PARN: variants seen among roughly 807,000 people sequenced by gnomAD.
PARN encodes poly(A)-specific ribonuclease.
PARN carries 71 observed loss-of-function variants against 102.8 expected under a neutral mutation model. The observed-to-expected ratio is 0.69, with a 90% confidence interval of 0.57 to 0.84. The LOEUF (loss-of-function observed/expected upper bound fraction) is 0.84, where lower values mean the gene tolerates loss of function less well. Among genes scored for constraint, PARN ranks in the 40% least tolerant of loss-of-function variants. The pLI is 0.00. For missense variants in PARN, 782 were observed against 760.9 expected (o/e 1.03, Z -0.33); for synonymous variants, 261 against 252.9 (o/e 1.03, Z -0.30).
At chr16:14,530,271 C>A (rs1051603803) in intron 21 of PARN, among the ~76,000 whole-genome samples, 2 of 152,170 alleles carry the variant, frequency 1.3e-5, no homozygotes, top group African/African-American at 2.4e-5. Flanking sequence ...GAATCCCAAG[C>A]CCCAGGCTAC....
intron 21 of PARN, among the ~76,000 whole-genome samples, chr16:14,493,081 TA>T (rs372988368): frequency 4.4e-4 from 67 of 150,742 alleles, no homozygotes; most frequent in Admixed American, 2.0e-3. Flanking sequence ...CAAACAACAA[TA>T]AAAAAAAAGA....
At chr16:14,512,574 T>TGAG (rs1053920528) in intron 21 of PARN, among the ~76,000 whole-genome samples, 154 of 152,294 alleles carry the variant, frequency 1.0e-3, no homozygotes, top group African/African-American at 3.4e-3. Context: ...GGTGTGTCTA[T>TGAG]GAGGAGGAGG....
intron 18 of PARN, among the ~76,000 whole-genome samples, chr16:14,576,503 G>A (rs1023507188): frequency 4.6e-5 from 7 of 152,180 alleles, no homozygotes; most frequent in Admixed American, 3.3e-4. Flanking sequence ...TAAGGCAAAC[G>A]TCTGATTTTG....
intron 22 of PARN, among the ~76,000 whole-genome samples, chr16:14,449,296 G>A (rs1339343841): frequency 2.0e-5 from 3 of 152,058 alleles, no homozygotes; most frequent in Non-Finnish European, 4.4e-5. Context: ...TTAAAATAAT[G>A]GTGTTGGGAC....
At position 14,603,980 on chromosome 16, in the gene PARN, T is replaced by A. The variant is rs547806440; in HGVS notation, c.783+166A>T. On this transcript the variant is annotated intron_variant, in intron 11 of 23. Coordinates refer to ENST00000437198, the MANE Select transcript of PARN (RefSeq NM_002582.4). Reference sequence around the variant, plus strand: ...TTGCTAGCTACGTCTCATGCTTAAATCTAACTTCCCCTTATTCTAGTCCAG... The same window carrying A: ...TTGCTAGCTACGTCTCATGCTTAAAACTAACTTCCCCTTATTCTAGTCCAG... Among the ~76,000 whole-genome samples the A allele has an allele frequency of 3.9e-5, 6 of 152,356 alleles. No individual in the cohort carries two copies. The East Asian group carries it at 1.2e-3, about 29-fold the overall frequency.
intron 21 of PARN, among the ~76,000 whole-genome samples, chr16:14,531,899 T>TAA (rs35330393): frequency 4.6e-4 from 50 of 108,908 alleles, no homozygotes; most frequent in Non-Finnish European, 7.1e-4. Flanking sequence ...CCCATTTCTT[T>TAA]AAAAAAAAAA....
At position 14,599,903 on chromosome 16, in the gene PARN, C is replaced by T; in HGVS notation, c.840+1G>A. 1 of 1,595,488 alleles carries T rather than the reference C, an allele frequency of 6.3e-7. No homozygotes were observed. Among genetic ancestry groups the T allele is most frequent in the South Asian group, 1.1e-5 (1 of 88,462 alleles). ...CTTGCTAAAAAGTCTGGCTCACTTA[C>T]CGAATTAGCAATGGCGTGAATGACT... On this transcript the variant is annotated splice_donor_variant, in intron 12 of 23. Transcript: ENST00000437198. LOFTEE classifies it high-confidence loss of function.
intron 8 of PARN, among the ~76,000 whole-genome samples, chr16:14,608,663 C>A (rs1308361332): frequency 6.6e-6 from 1 of 152,158 alleles, no homozygotes; most frequent in Non-Finnish European, 1.5e-5. Flanking sequence ...AAGACAATCA[C>A]GTTACTGACT....
chr16:14,549,828 T>C (rs904738623), intron 21 of PARN, among the ~76,000 whole-genome samples: 5 of 152,202 alleles, frequency 3.3e-5, no homozygotes, highest in Non-Finnish European at 5.9e-5. Context: ...TTAATATCCA[T>C]GATCTCATTT....
intron 21 of PARN, among the ~76,000 whole-genome samples, chr16:14,500,505 C>CA (rs1372783716): frequency 1.3e-5 from 2 of 152,172 alleles, no homozygotes; most frequent in Non-Finnish European, 2.9e-5. Flanking sequence ...CTCCTGGACT[C>CA]AAGCAACCCT....
chr16:14,597,479 G>C (rs899235980), intron 12 of PARN, among the ~76,000 whole-genome samples: 1 of 151,848 alleles, frequency 6.6e-6, no homozygotes, highest in Non-Finnish European at 1.5e-5. Flanking sequence ...GGCGGATCAC[G>C]AGGTCAGGAG....
chr16:14,568,171 G>A (rs576995070), intron 18 of PARN, among the ~76,000 whole-genome samples: 4 of 151,772 alleles, frequency 2.6e-5, no homozygotes, highest in African/African-American at 4.8e-5. Flanking sequence ...GTGACAGGGC[G>A]CGACCTCATC....
chr16:14,597,759 C>G (rs929583046), intron 12 of PARN, among the ~76,000 whole-genome samples: 1 of 152,002 alleles, frequency 6.6e-6, no homozygotes, highest in African/African-American at 2.4e-5. Flanking sequence ...CTTGCCAAAC[C>G]ATATATCCTC....
chr16:14,574,908 C>T (rs1969028334), intron 18 of PARN, among the ~76,000 whole-genome samples: 2 of 152,158 alleles, frequency 1.3e-5, no homozygotes, highest in African/African-American at 2.4e-5. Flanking sequence ...GCCCAGGAGC[C>T]CTGCATCCCA....
At chr16:14,440,099 T>C (rs1165104906) in intron 23 of PARN, among the ~76,000 whole-genome samples, 2 of 151,978 alleles carry the variant, frequency 1.3e-5, no homozygotes, top group Admixed American at 6.6e-5. Flanking sequence ...AGAATATATT[T>C]GTAAAATGCT....
chr16:14,608,185 C>T, intron 9 of PARN, 96 bp downstream of exon 9: 1 of 892,734 alleles, frequency 1.1e-6, no homozygotes, highest in Non-Finnish European at 1.7e-6. Flanking sequence ...CTGAGAACCG[C>T]AGAATTTCAA....
chr16:14,628,115 T>C (rs1972790107), intron 3 of PARN, 57 bp downstream of exon 3: 1 of 996,010 alleles, frequency 1.0e-6, no homozygotes, highest in African/African-American at 1.6e-5. Flanking sequence ...TATTTATCAT[T>C]TAACATAAGG....
chr16:14,526,018 A>G lies in PARN; in HGVS notation c.1480+26003T>C, dbSNP rs148228188. The stretch of plus-strand genomic sequence containing the variant: ...TGTATTTTAGAGGCGGGGTTTCACC[A>G]TGTTGGCCAGGCTGGTCTCAAACTC... On this transcript the variant is annotated intron_variant, in intron 21 of 23. Coordinates refer to ENST00000437198, the MANE Select transcript of PARN (RefSeq NM_002582.4). 5.2e-4 allele frequency among the ~76,000 whole-genome samples: 79 copies of G among 151,800 alleles called. No individual in the cohort carries two copies. In the East Asian group the frequency reaches 0.014, roughly 27 times the overall value.
intron 21 of PARN, among the ~76,000 whole-genome samples, chr16:14,543,951 T>C (rs191359390): frequency 1.3e-5 from 2 of 152,298 alleles, no homozygotes; most frequent in Admixed American, 6.5e-5. Context: ...TCCCAGCACT[T>C]TGGGAGGCCA....
Sources: allele counts gnomAD v4.1 joint callset (sites outside exome capture counted in the v4.1 genomes callset), GRCh38; gene constraint gnomAD v4.1.1; transcripts MANE v1.5; gene names NCBI Gene and HGNC (gene_info 2026-07-23, HGNC 2026-07-21).